Variants in HS3ST3A1 observed in about 807,000 individuals in gnomAD.
The protein encoded by HS3ST3A1 is heparan sulfate-glucosamine 3-sulfotransferase 3A1.
A neutral mutation model predicts 25.7 loss-of-function variants in HS3ST3A1; 19 were observed. The ratio of observed to expected loss-of-function variants is 0.74; its 90% CI spans 0.52 to 1.08. The LOEUF (loss-of-function observed/expected upper bound fraction) is 1.08. Among genes scored for constraint, HS3ST3A1 ranks in the 50% least tolerant of loss-of-function variants. HS3ST3A1 has a pLI of 0.00. For synonymous variants in HS3ST3A1, 226 were observed against 278.6 expected, an observed-to-expected ratio of 0.81 and a Z score of 1.88; for missense variants, 459 against 594.3, an observed-to-expected ratio of 0.77 and a Z score of 2.37.
At chr17:13,596,910 T>C (rs1299768343) in intron 1 of HS3ST3A1, among the ~76,000 whole-genome samples, 1 of 152,064 alleles carries the variant, frequency 6.6e-6, no homozygotes, top group Non-Finnish European at 1.5e-5. Context: ...GCCTCTCTAA[T>C]GGACTTGAAA....
chr17:13,519,532 C>A (rs932834665), intron 1 of HS3ST3A1, among the ~76,000 whole-genome samples: 2 of 151,966 alleles, frequency 1.3e-5, no homozygotes, highest in Non-Finnish European at 2.9e-5. Context: ...GCTGAAAGTG[C>A]TTAGAATAGC....
intron 1 of HS3ST3A1, among the ~76,000 whole-genome samples, chr17:13,591,521 G>A (rs2142392831): frequency 6.6e-6 from 1 of 152,250 alleles, no homozygotes; most frequent in East Asian, 1.9e-4. Flanking sequence ...GAGAAAAAGG[G>A]AGAAAAGTTG....
At chr17:13,500,485 G>T (rs574962088) in intron 1 of HS3ST3A1, among the ~76,000 whole-genome samples, 1 of 152,204 alleles carries the variant, frequency 6.6e-6, no homozygotes, top group Non-Finnish European at 1.5e-5. Context: ...GGAGCACGAA[G>T]GTGTGGGCAC....
At chr17:13,556,528 G>GAAAATAAAATAAAAT (rs1315579147) in intron 1 of HS3ST3A1, among the ~76,000 whole-genome samples, 11 of 149,392 alleles carry the variant, frequency 7.4e-5, no homozygotes, top group Admixed American at 1.3e-4. Flanking sequence ...TAAAATAAAA[G>GAAAATAAAATAAAAT]AAAATAAAAT....
At chr17:13,527,197 CT>C (rs1906458921) in intron 1 of HS3ST3A1, among the ~76,000 whole-genome samples, 2 of 152,088 alleles carry the variant, frequency 1.3e-5, no homozygotes, top group East Asian at 3.9e-4. Flanking sequence ...TCTTTCATTC[CT>C]TTAAACTGAT....
At chr17:13,539,748 A>G (rs1361019227) in intron 1 of HS3ST3A1, among the ~76,000 whole-genome samples, 1 of 152,230 alleles carries the variant, frequency 6.6e-6, no homozygotes, top group Non-Finnish European at 1.5e-5. Flanking sequence ...TCACAGGAAA[A>G]GGAACATGTC....
intron 1 of HS3ST3A1, among the ~76,000 whole-genome samples, chr17:13,577,175 A>AC (rs1483151621): frequency 6.6e-6 from 1 of 152,218 alleles, no homozygotes; most frequent in Non-Finnish European, 1.5e-5. Flanking sequence ...ATTACCTTCC[A>AC]CCAGGTCCCT....
At chr17:13,542,903 G>A (rs1372297608) in intron 1 of HS3ST3A1, among the ~76,000 whole-genome samples, 1 of 152,076 alleles carries the variant, frequency 6.6e-6, no homozygotes, top group African/African-American at 2.4e-5. Flanking sequence ...ATGGCCAGTG[G>A]TTTAATCAAT....
At chr17:13,552,520 G>A (rs978886167) in intron 1 of HS3ST3A1, among the ~76,000 whole-genome samples, 13 of 152,184 alleles carry the variant, frequency 8.5e-5, no homozygotes, top group South Asian at 2.1e-4. Flanking sequence ...AACGTCAAAG[G>A]GGGATTCAGA....
At chr17:13,505,969 G>C (rs1292481977) in intron 1 of HS3ST3A1, among the ~76,000 whole-genome samples, 1 of 148,628 alleles carries the variant, frequency 6.7e-6, no homozygotes, top group Non-Finnish European at 1.5e-5. Context: ...GGAGGTTGCA[G>C]TGAGCCGAGG....
rs1555543312 is a variant in HS3ST3A1 at position 13,591,676 on chromosome 17, T to TTG, written c.599+8854_599+8855insCA. 2.7e-3 allele frequency among the ~76,000 whole-genome samples: 385 copies of TTG among 141,438 alleles called. 4 individuals carry two copies. Among genetic ancestry groups the TTG allele is most frequent in the African/African-American group, 8.7e-3 (309 of 35,684 alleles). 92.8% of individuals were successfully genotyped at this position (141,438 alleles called of 152,430 possible). A position where few individuals can be genotyped will look rare whatever the true frequency, so the allele number is the denominator to read the frequency against. ...TTTTCTTCTTCTTTTTTTTTTTTTT[T>TTG]GGGACAGAGTCTCACTCTGTTGCCC... On this transcript the variant is annotated intron_variant, in intron 1 of 1. Coordinates refer to ENST00000284110, the MANE Select transcript of HS3ST3A1 (RefSeq NM_006042.3).
At chr17:13,597,122 T>C (rs1171192101) in intron 1 of HS3ST3A1, among the ~76,000 whole-genome samples, 1 of 152,106 alleles carries the variant, frequency 6.6e-6, no homozygotes, top group East Asian at 1.9e-4. Context: ...ATAGACATGC[T>C]AGTGTAAGAG....
intron 1 of HS3ST3A1, among the ~76,000 whole-genome samples, chr17:13,519,630 T>A (rs1906166411): frequency 1.3e-5 from 2 of 152,224 alleles, no homozygotes; most frequent in Admixed American, 6.5e-5. Context: ...TCTATTAATC[T>A]TCTTGAGATT....
chr17:13,556,838 C>G (rs976052621), intron 1 of HS3ST3A1, among the ~76,000 whole-genome samples: 5 of 131,044 alleles, frequency 3.8e-5, no homozygotes, highest in Non-Finnish European at 6.2e-5. Context: ...GGCGAAAGAG[C>G]GAAACTCCGC....
chr17:13,580,748 G>A (rs60554945), intron 1 of HS3ST3A1, among the ~76,000 whole-genome samples: 37,406 of 151,890 alleles, frequency 0.25, 5,084 homozygotes, highest in African/African-American at 0.37. Context: ...AAAATTAGCC[G>A]GACGTGGTGA....
At chr17:13,568,242 T>C (rs1835425222) in intron 1 of HS3ST3A1, among the ~76,000 whole-genome samples, 1 of 152,228 alleles carries the variant, frequency 6.6e-6, no homozygotes, top group Non-Finnish European at 1.5e-5. Flanking sequence ...GTATGTACTT[T>C]TTTAGACATA....
At chr17:13,590,326 TAAAA>T (rs59735905) in intron 1 of HS3ST3A1, among the ~76,000 whole-genome samples, 126 of 147,496 alleles carry the variant, frequency 8.5e-4, no homozygotes, top group Non-Finnish European at 8.4e-4. Flanking sequence ...TCTGTGAGGT[TAAAA>T]AAAAAAAAAA....
At chr17:13,515,040 G>A (rs1271179035) in intron 1 of HS3ST3A1, among the ~76,000 whole-genome samples, 1 of 152,166 alleles carries the variant, frequency 6.6e-6, no homozygotes, top group Non-Finnish European at 1.5e-5. Flanking sequence ...TGGAAATGAA[G>A]AGGGAAAGGG....
intron 1 of HS3ST3A1, among the ~76,000 whole-genome samples, chr17:13,551,388 AATAT>A (rs1360803421): frequency 8.3e-6 from 1 of 121,160 alleles, no homozygotes; most frequent in Non-Finnish European, 1.8e-5. Flanking sequence ...TAAATAAATA[AATAT>A]AAAAATAAAT....
Sources: gnomAD v4.1 joint callset for allele counts (sites outside exome capture counted in the v4.1 genomes callset) on GRCh38, gnomAD v4.1.1 for gene constraint, MANE v1.5 for transcripts, NCBI Gene and HGNC (gene_info 2026-07-23, HGNC 2026-07-21) for gene names.